TMEM109: variants seen among roughly 807,000 people sequenced by gnomAD.
The protein encoded by TMEM109 is transmembrane protein 109, also known as voltage-gated monoatomic cation channel TMEM109.
A neutral mutation model predicts 26.4 loss-of-function variants in TMEM109; 19 were observed. The observed-to-expected ratio is 0.72, with a 90% CI of 0.50 to 1.06. The LOEUF is 1.06. TMEM109 is among the 50% of genes least tolerant of loss of function. The pLI is 0.00. For synonymous variants in TMEM109, 129 were observed against 142.0 expected (o/e 0.91, Z 0.65); for missense variants, 262 against 303.4 (o/e 0.86, Z 1.01).
chr11:60,920,799 A>G, intron 2 of TMEM109, 87 bp from the exon 3 acceptor site: 2 of 1,157,048 alleles, frequency 1.7e-6, no homozygotes, highest in Non-Finnish European at 2.6e-6. Context: ...ACATTCCTGC[A>G]GTTCTTGCCT....
At chr11:60,920,846 GTTCA>G in intron 2 of TMEM109, 36 bp from the exon 3 acceptor site, 1 of 1,551,322 alleles carries the variant, frequency 6.4e-7, no homozygotes, top group Admixed American at 1.7e-5. Flanking sequence ...GAGGACCGTT[GTTCA>G]TTATGAACTC....
chr11:60,922,022 G>T lies in TMEM109; in HGVS notation c.589G>T (p.Ala197Ser). The change falls in exon 4 of 4, where the codon GCC becomes TCC. Residue 197 changes from alanine to serine, a missense_variant. By Grantham distance (99) the Ala-to-Ser change is moderately conservative. Coordinates refer to ENST00000227525, the MANE Select transcript of TMEM109 (RefSeq NM_024092.3). ...LLLLALLILY[A>S]LLSRLTGSRA... Reference sequence around the variant, plus strand: ...ACTCCTGGCCTTGCTGATCCTCTACGCCCTGCTGAGCCGGCTCACTGGCTC... The same window carrying T: ...ACTCCTGGCCTTGCTGATCCTCTACTCCCTGCTGAGCCGGCTCACTGGCTC... 1 of 1,612,766 alleles carries T rather than the reference G, an allele frequency of 6.2e-7. No homozygotes were observed. Among genetic ancestry groups the T allele is most frequent in the South Asian group, 1.1e-5 (1 of 91,084 alleles).
chr11:60,921,989 G>A lies in TMEM109; in HGVS notation c.556G>A (p.Ala186Thr). 1 of 1,613,388 alleles carries A rather than the reference G, an allele frequency of 6.2e-7. No homozygotes were observed. Among genetic ancestry groups the A allele is most frequent in the Non-Finnish European group, 8.5e-7 (1 of 1,179,950 alleles). Reference sequence around the variant, plus strand: ...GTCGGTGCCTGACCCTTCCACCCGGGCCCTGCTACTCCTGGCCTTGCTGAT... The same window carrying A: ...GTCGGTGCCTGACCCTTCCACCCGGACCCTGCTACTCCTGGCCTTGCTGAT... ...MRSVPDPSTR[A>T]LLLLALLILY... Residue 186 changes from alanine (A) to threonine (T), a missense_variant, in exon 4 of 4, where the codon GCC becomes ACC. Physicochemically the swap from Ala to Thr is moderately conservative, Grantham distance 58. Coordinates refer to ENST00000227525, the MANE Select transcript of TMEM109 (RefSeq NM_024092.3).
intron 1 of TMEM109, among the ~76,000 whole-genome samples, chr11:60,915,657 C>G (rs1207047355): frequency 1.3e-5 from 2 of 152,120 alleles, no homozygotes; most frequent in Non-Finnish European, 2.9e-5. Context: ...GTAGAGGGCA[C>G]TTTTTGCCGC....
Position 60,922,621 on chromosome 11 carries a change from C to T in TMEM109, c.*456C>T. On this transcript the variant is annotated 3_prime_UTR_variant, in exon 4 of 4. Coordinates refer to ENST00000227525, the MANE Select transcript of TMEM109 (RefSeq NM_024092.3). ...TTCTTGTTTTCCTCATCCTCCTACCCTGTACTCCCACCAAACCATGGTCCT... is the reference window on the plus strand; with the variant it reads ...TTCTTGTTTTCCTCATCCTCCTACCTTGTACTCCCACCAAACCATGGTCCT... 2.8e-6 allele frequency: 1 copy of T among 351,920 alleles called. No individual in the cohort carries two copies. 21.8% of individuals were successfully genotyped at this position (351,920 alleles called of 1,614,324 possible).
intron 1 of TMEM109, among the ~76,000 whole-genome samples, chr11:60,916,959 A>G (rs1856180972): frequency 1.3e-5 from 2 of 152,228 alleles, no homozygotes; most frequent in Non-Finnish European, 2.9e-5. Flanking sequence ...TGACCCAGAT[A>G]GCTCAGGAAC....
rs2134884376 is a variant in TMEM109, at chr11:60,922,872, T to C, written c.*707T>C. 1 of 154,242 alleles carries C rather than the reference T, an allele frequency of 6.5e-6. No individual in the cohort carries two copies. The highest frequency in any genetic ancestry group is 1.4e-5 in the Non-Finnish European group (1 of 69,198). The allele number at this position is 154,242 out of a possible 1,614,324, so 9.6% of individuals were successfully genotyped here. A position where few individuals can be genotyped will look rare whatever the true frequency, so the allele number is the denominator to read the frequency against. On this transcript the variant is annotated 3_prime_UTR_variant, in exon 4 of 4. Transcript: ENST00000227525. ...AGGAAAGTGTTCTGTGGCTGCTTTG[T>C]GTCAAGAAAAGAGCAGTCACTCTCA...
intron 1 of TMEM109, 81 bp from the exon 2 acceptor site, chr11:60,919,605 G>A: frequency 8.4e-7 from 1 of 1,189,166 alleles, no homozygotes; most frequent in Non-Finnish European, 1.2e-6. Flanking sequence ...TAGGGGTGGA[G>A]AAGGATGTTG....
chr11:60,919,939 G>A lies in TMEM109; in HGVS notation c.237+9G>A, dbSNP rs776992351. ...TGCACCTGGTGTCAGAGGTAAGGAA[G>A]GTAGTCCCTGTGTGACTACACACAT... On this transcript the variant is annotated intron_variant, in intron 2 of 3. Transcript: ENST00000227525. The A allele has an allele frequency of 1.4e-5, 23 of 1,610,412 alleles. No individual in the cohort carries two copies. Among genetic ancestry groups the A allele is most frequent in the African/African-American group, 1.1e-4 (8 of 74,840 alleles).
rs1216517657 is a variant in TMEM109 at position 60,914,220 on chromosome 11, G to C, written c.-57G>C. The C allele has an allele frequency of 6.6e-6, 1 of 152,222 alleles. No homozygotes were observed. The highest frequency in any genetic ancestry group is 2.4e-5 in the African/African-American group (1 of 41,458). 9.4% of individuals were successfully genotyped at this position (152,222 alleles called of 1,614,324 possible). A position where few individuals can be genotyped will look rare whatever the true frequency, so the allele number is the denominator to read the frequency against. ...CCCGAGTTGAGGCGCGGGTTTGGTGGCGCGTTTCAGCGAAGTCGCACGTGA... is the reference window on the plus strand; with the variant it reads ...CCCGAGTTGAGGCGCGGGTTTGGTGCCGCGTTTCAGCGAAGTCGCACGTGA... On this transcript the variant is annotated 5_prime_UTR_variant, in exon 1 of 4. Transcript: ENST00000227525.
chr11:60,919,794 A>G lies in TMEM109; in HGVS notation c.101A>G (p.Gln34Arg). ...ATCCTCCTCCACTCAGCATTGGCCC[A>G]GTCCCGTCGAGACTTTGCACCACCA... ...ALILLHSALA[Q>R]SRRDFAPPGQ... is the part of the protein sequence containing the mutation. The change falls in exon 2 of 4, where the codon CAG becomes CGG. Residue 34 changes from glutamine (Q) to arginine (R), a missense_variant. Physicochemically the swap from Gln to Arg is conservative, Grantham distance 43 (BLOSUM62 1). Transcript: ENST00000227525. 2 of 1,614,196 alleles carry G rather than the reference A, an allele frequency of 1.2e-6. No individual in the cohort carries two copies. Among genetic ancestry groups the G allele is most frequent in the African/African-American group, 1.3e-5 (1 of 75,028 alleles).
chr11:60,920,833 G>A, intron 2 of TMEM109, 53 bp from the exon 3 acceptor site: 2 of 1,470,692 alleles, frequency 1.4e-6, no homozygotes, highest in Non-Finnish European at 1.9e-6. Flanking sequence ...CAGGCGTGAA[G>A]GCGAGGACCG....
chr11:60,921,966 C>T lies in TMEM109; in HGVS notation c.533C>T (p.Ser178Leu), dbSNP rs765072747. The part of the protein sequence containing the change: ...FLAGFVALMR[S>L]VPDPSTRALL... ...GCCGGCTTCGTGGCCCTGATGAGGT[C>T]GGTGCCTGACCCTTCCACCCGGGCC... The change falls in exon 4 of 4, where the codon TCG becomes TTG. Residue 178 changes from serine (S) to leucine (L), a missense_variant. Ser to Leu is a moderately radical substitution (Grantham distance 145). Coordinates refer to ENST00000227525, the MANE Select transcript of TMEM109 (RefSeq NM_024092.3). 1.7e-5 allele frequency: 27 copies of T among 1,613,722 alleles called. No individual in the cohort carries two copies. Among genetic ancestry groups the T allele is most frequent in the East Asian group, 4.5e-5 (2 of 44,890 alleles).
intron 1 of TMEM109, 115 bp downstream of exon 1, chr11:60,914,383 T>A (rs1565114720): frequency 6.6e-6 from 1 of 151,716 alleles, no homozygotes; most frequent in Non-Finnish European, 1.5e-5. Flanking sequence ...TGGGGAGGGG[T>A]CCGCGCGCCC....
chr11:60,915,639 C>CA (rs1005830776), intron 1 of TMEM109, among the ~76,000 whole-genome samples: 7 of 152,170 alleles, frequency 4.6e-5, no homozygotes, highest in African/African-American at 1.7e-4. Context: ...GCGGGACAGT[C>CA]AGAGCCGGTA....
intron 2 of TMEM109, 85 bp downstream of exon 2, chr11:60,920,015 C>A: frequency 8.8e-7 from 1 of 1,141,112 alleles, no homozygotes; most frequent in Non-Finnish European, 1.3e-6. Context: ...CATCTTAGTT[C>A]CACATCCTCT....
chr11:60,917,236 C>A (rs1038703029), intron 1 of TMEM109, among the ~76,000 whole-genome samples: 2 of 152,176 alleles, frequency 1.3e-5, no homozygotes, highest in African/African-American at 4.8e-5. Flanking sequence ...CATTCTCTTC[C>A]TTCTCCATCC....
chr11:60,914,304 C>T (rs887987245), intron 1 of TMEM109, 36 bp downstream of exon 1: 1 of 152,352 alleles, frequency 6.6e-6, no homozygotes, highest in African/African-American at 2.4e-5. Context: ...TGGGGCAGCG[C>T]ACGGGAAGGG....
At position 60,921,930 on chromosome 11, in the gene TMEM109, T is replaced by C; in HGVS notation, c.497T>C (p.Val166Ala). The change falls in exon 4 of 4, where the codon GTC becomes GCC. Residue 166 changes from valine to alanine, a missense_variant. Physicochemically the swap from Val to Ala is moderately conservative, Grantham distance 64. Coordinates refer to ENST00000227525, the MANE Select transcript of TMEM109 (RefSeq NM_024092.3). ...LGRILWGLKL[V>A]IFLAGFVALM... ...CGGATCCTGTGGGGCCTGAAGCTTG[T>C]CATCTTCCTGGCCGGCTTCGTGGCC... is the stretch of plus-strand genomic sequence containing the variant. The C allele has an allele frequency of 6.2e-7, 1 of 1,614,176 alleles. No homozygotes were observed. The highest frequency in any genetic ancestry group is 8.5e-7 in the Non-Finnish European group (1 of 1,180,034).
Sources: allele counts gnomAD v4.1 joint callset (sites outside exome capture counted in the v4.1 genomes callset), GRCh38; gene constraint gnomAD v4.1.1; transcripts MANE v1.5; gene names NCBI Gene and HGNC (gene_info 2026-07-23, HGNC 2026-07-21).